The following OPN1LW variants were observed in gnomAD, a reference collection of about 807,000 sequenced individuals.
OPN1LW encodes the protein opsin 1, long wave sensitive.
Under a neutral mutation model 18.1 loss-of-function variants are expected in OPN1LW, and 4 were observed. That is an observed-to-expected ratio of 0.22 (90% confidence interval 0.11 to 0.51). OPN1LW has a LOEUF of 0.51. Ranked by LOEUF, OPN1LW falls within the 20% of genes least tolerant of loss-of-function variation. The probability of loss-of-function intolerance (pLI) is 0.97; values close to 1 mark genes in which losing one functional copy is unlikely to be tolerated. For missense variants in OPN1LW, 164 were observed against 234.9 expected (o/e 0.70, Z 1.97); for synonymous variants, 86 against 101.2 (o/e 0.85, Z 0.90).
In OPN1LW at chrX:154,156,407, C is replaced by T; in HGVS notation, c.858C>T (p.Phe286=). 1.7e-6 allele frequency: 2 copies of T among 1,205,196 alleles called. No homozygotes were observed. Among genetic ancestry groups the T allele is most frequent in the Non-Finnish European group, 2.2e-6 (2 of 890,557 alleles). Residue 286 remains phenylalanine (F), a synonymous_variant, in exon 5 of 6, where the codon TTC becomes TTT. Coordinates refer to ENST00000369951, the MANE Select transcript of OPN1LW (RefSeq NM_020061.6). ...AYCVCWGPYT[F]FACFAAANPG... ...GCGTCTGCTGGGGACCCTACACCTT[C>T]TTCGCATGCTTTGCTGCTGCCAACC... is the stretch of plus-strand genomic sequence containing the variant.
chrX:154,148,396 G>A (rs1409259710), intron 1 of OPN1LW, among the ~76,000 whole-genome samples: 1 of 103,226 alleles, frequency 9.7e-6, no homozygotes, highest in East Asian at 2.9e-4. Context: ...CTCCTGAGTA[G>A]CTGGGACTAC....
chrX:154,149,479 C>A (rs1216028747), intron 1 of OPN1LW, among the ~76,000 whole-genome samples: 1 of 98,469 alleles, frequency 1.0e-5, no homozygotes, highest in East Asian at 2.9e-4. Flanking sequence ...TTGCAGTGAC[C>A]CGAGATCACA....
chrX:154,148,916 C>A (rs1440514676), intron 1 of OPN1LW, among the ~76,000 whole-genome samples: 32 of 105,197 alleles, frequency 3.0e-4, no homozygotes, highest in Admixed American at 9.7e-5. Context: ...AAGAAATTAC[C>A]AGGCTGTGGC....
chrX:154,148,570 C>T (rs377564319), intron 1 of OPN1LW, among the ~76,000 whole-genome samples: 24 of 103,292 alleles, frequency 2.3e-4, no homozygotes, highest in Admixed American at 2.0e-3. Context: ...CGCTCCCAGC[C>T]GACTGTATCT....
intron 1 of OPN1LW, among the ~76,000 whole-genome samples, chrX:154,148,521 T>G (rs1336085750): frequency 9.7e-6 from 1 of 102,904 alleles, no homozygotes; most frequent in Non-Finnish European, 1.9e-5. Flanking sequence ...ATCCACCCCC[T>G]CGGCCTCCCA....
At position 154,151,088 on chromosome X, in the gene OPN1LW, A is replaced by C. The variant is rs2067072948; in HGVS notation, c.409+136A>C. 1.8e-5 allele frequency: 16 copies of C among 900,520 alleles called. No homozygotes were observed. In the East Asian group the frequency reaches 5.1e-4, roughly 29 times the overall value. 74.2% of individuals were successfully genotyped at this position (900,520 alleles called of 1,213,427 possible). ...CCCCATCTGCGCCTCACATCCATAT[A>C]CTGAAGGGTTCTGGAGGCTTCCATC... On this transcript the variant is annotated intron_variant, in intron 2 of 5. Transcript: ENST00000369951.
At position 154,154,572 on chromosome X, in the gene OPN1LW, A is replaced by C; in HGVS notation, c.579-2A>C. 1 of 1,167,558 alleles carries C rather than the reference A, an allele frequency of 8.6e-7. No homozygotes were observed. The highest frequency in any genetic ancestry group is 1.2e-6 in the Non-Finnish European group (1 of 866,087). ...GGACTGGCTGCCGGCCCTTCTCTCCAGGTACTGGCCCCACGGCCTGAAGAC... is the reference window on the plus strand; with the variant it reads ...GGACTGGCTGCCGGCCCTTCTCTCCCGGTACTGGCCCCACGGCCTGAAGAC... On this transcript the variant is annotated splice_acceptor_variant, in intron 3 of 5. Coordinates refer to ENST00000369951, the MANE Select transcript of OPN1LW (RefSeq NM_020061.6). LOFTEE classifies it high-confidence loss of function.
intron 1 of OPN1LW, among the ~76,000 whole-genome samples, chrX:154,149,220 A>G (rs1391979244): frequency 1.0e-5 from 1 of 99,145 alleles, no homozygotes; most frequent in Non-Finnish European, 1.9e-5. Flanking sequence ...AAAAGAAAAA[A>G]AAAAGAAAAG....
chrX:154,150,840 C>A lies in OPN1LW; in HGVS notation c.297C>A (p.Asp99Glu). The part of the protein sequence containing the change: ...NWILVNLAVA[D>E]LAETVIASTI... The stretch of plus-strand genomic sequence containing the variant: ...TCCTGGTGAACCTGGCGGTCGCTGA[C>A]CTAGCAGAGACCGTCATCGCCAGCA... Residue 99 changes from aspartate to glutamate, a missense_variant, in exon 2 of 6, where the codon GAC becomes GAA. Coordinates refer to ENST00000369951, the MANE Select transcript of OPN1LW (RefSeq NM_020061.6). 8.3e-7 allele frequency: 1 copy of A among 1,200,079 alleles called. No individual in the cohort carries two copies. Among genetic ancestry groups the A allele is most frequent in the Non-Finnish European group, 1.1e-6 (1 of 889,785 alleles).
At chrX:154,148,734 A>C (rs2067064045) in intron 1 of OPN1LW, among the ~76,000 whole-genome samples, 1 of 105,311 alleles carries the variant, frequency 9.5e-6, no homozygotes, top group Non-Finnish European at 1.9e-5. Context: ...ACTCCAACAT[A>C]TGAATTTGGG....
rs2067071698 is a variant in OPN1LW at position 154,150,804 on chromosome X, G to A, written c.261G>A (p.Pro87=). 8.3e-7 allele frequency: 1 copy of A among 1,201,681 alleles called. No individual in the cohort carries two copies. Among genetic ancestry groups the A allele is most frequent in the Non-Finnish European group, 1.1e-6 (1 of 890,733 alleles). Residue 87 remains proline, a synonymous_variant, in exon 2 of 6, where the codon CCG becomes CCA. Transcript: ENST00000369951. ...TGAAGTTCAAGAAGCTGCGCCACCC[G>A]CTGAACTGGATCCTGGTGAACCTGG... ...ATMKFKKLRH[P]LNWILVNLAV... is the part of the protein sequence containing the mutation.
intron 1 of OPN1LW, among the ~76,000 whole-genome samples, chrX:154,149,443 A>T (rs2067067370): frequency 1.0e-5 from 1 of 98,206 alleles, no homozygotes. Flanking sequence ...GAGGCAGGAG[A>T]ATTGCTTGAA....
intron 1 of OPN1LW, among the ~76,000 whole-genome samples, chrX:154,148,219 A>T (rs2067062006): frequency 9.7e-6 from 1 of 103,565 alleles, no homozygotes; most frequent in Non-Finnish European, 1.9e-5. Flanking sequence ...ACTGTACTCC[A>T]GCCTGGGTGC....
rs868986943 is a variant in OPN1LW at position 154,149,216 on chromosome X, A to G, written c.113-1440A>G. Among the ~76,000 whole-genome samples, 11 of 98,765 alleles carry G rather than the reference A, an allele frequency of 1.1e-4. 1 individual carries two copies. Among genetic ancestry groups the G allele is most frequent in the Middle Eastern group, 5.1e-3 (1 of 198 alleles). The allele number at this position is 98,765 out of a possible 115,157, so 85.8% of individuals were successfully genotyped here. ...CAAGACTCCGTCTCAAAAAAAAAGA[A>G]AAAAAAAAGAAAAGAAAAATAAATT... On this transcript the variant is annotated intron_variant, in intron 1 of 5. Transcript: ENST00000369951.
chrX:154,149,346 G>A, intron 1 of OPN1LW, among the ~76,000 whole-genome samples: 1 of 103,485 alleles, frequency 9.7e-6, no homozygotes, highest in South Asian at 3.8e-4. Context: ...TGGTCAACAT[G>A]GTGAAACCCC....
rs1420548975 is a variant in OPN1LW at position 154,149,532 on chromosome X, A to C, written c.113-1124A>C. Among the ~76,000 whole-genome samples, 9 of 91,192 alleles carry C rather than the reference A, an allele frequency of 9.9e-5. 1 individual carries two copies. The highest frequency in any genetic ancestry group is 2.4e-4 in the African/African-American group (5 of 20,434). 79.2% of individuals were successfully genotyped at this position (91,192 alleles called of 115,157 possible). ...GGGTGACAGAGCAAGACTTTGTCCC[A>C]AAAAAAAAAAAAAGAAAAGAAAGAA... On this transcript the variant is annotated intron_variant, in intron 1 of 5. Coordinates refer to ENST00000369951, the MANE Select transcript of OPN1LW (RefSeq NM_020061.6).
At chrX:154,144,527 A>G in intron 1 of OPN1LW, 132 bp downstream of exon 1, 1 of 429,009 alleles carries the variant, frequency 2.3e-6, no homozygotes. Context: ...AGCTTTTCTG[A>G]TGACATGAAT....
chrX:154,156,732 G>C (rs782691429), intron 5 of OPN1LW, among the ~76,000 whole-genome samples, 199 bp downstream of exon 5: 141 of 104,823 alleles, frequency 1.3e-3, no homozygotes, highest in Non-Finnish European at 1.5e-3. Flanking sequence ...AGAAGGCTTA[G>C]GTGTGCCCTC....
At chrX:154,150,998 C>T in intron 2 of OPN1LW, 46 bp downstream of exon 2, 1 of 1,175,678 alleles carries the variant, frequency 8.5e-7, no homozygotes, top group Non-Finnish European at 1.1e-6. Context: ...CTCATTCACC[C>T]TGCAAGCTCC....
Sources: allele counts gnomAD v4.1 joint callset (sites outside exome capture counted in the v4.1 genomes callset), GRCh38; gene constraint gnomAD v4.1.1; transcripts MANE v1.5; gene names NCBI Gene and HGNC (gene_info 2026-07-23, HGNC 2026-07-21).